Variants in HDAC9 observed in about 807,000 individuals in gnomAD.
HDAC9 encodes histone deacetylase 9, also known as MEF-2 interacting transcription repressor (MITR) protein.
In HDAC9, 41 loss-of-function variants were observed where a neutral mutation model predicts 139.4. The observed-to-expected ratio is 0.29, with a 90% confidence interval of 0.23 to 0.38. HDAC9 has a LOEUF of 0.38. Among genes scored for constraint, HDAC9 ranks in the 10% least tolerant of loss-of-function variants. The pLI is 1.00. For missense variants in HDAC9, 1,147 were observed against 1,297.0 expected (o/e 0.88, Z 1.78); for synonymous variants, 517 against 476.2 (o/e 1.09, Z -1.12).
intron 21 of HDAC9, among the ~76,000 whole-genome samples, chr7:18,844,067 G>A (rs6461386): frequency 0.45 from 68,363 of 151,982 alleles, 16,170 homozygotes; most frequent in African/African-American, 0.61. Flanking sequence ...CAATGATTTG[G>A]TGTCATATAG....
At chr7:18,863,392 C>T (rs756854) in intron 21 of HDAC9, among the ~76,000 whole-genome samples, 72,404 of 152,056 alleles carry the variant, frequency 0.48, 17,833 homozygotes, top group African/African-American at 0.61. Context: ...TGGCTTTGAA[C>T]GTGGCCCAAC....
chr7:18,398,055 C>T (rs919248319), intron 1 of HDAC9, among the ~76,000 whole-genome samples: 3 of 152,164 alleles, frequency 2.0e-5, no homozygotes, highest in Non-Finnish European at 4.4e-5. Context: ...AAATACCCAA[C>T]CTGAAATTCC....
At chr7:18,956,475 C>T (rs571236065) in intron 24 of HDAC9, among the ~76,000 whole-genome samples, 8 of 152,136 alleles carry the variant, frequency 5.3e-5, no homozygotes, top group African/African-American at 1.9e-4. Context: ...GTGTGAGGTG[C>T]TTGGGAGCCT....
At chr7:18,220,792 C>T (rs366909) in intron 2 of HDAC9, among the ~76,000 whole-genome samples, 115,410 of 152,058 alleles carry the variant, frequency 0.76, 43,985 homozygotes, top group South Asian at 0.84. Flanking sequence ...TCTGTCGTAG[C>T]TCAGATGTGG....
intron 2 of HDAC9, among the ~76,000 whole-genome samples, chr7:18,223,650 G>A (rs1406164223): frequency 6.6e-6 from 1 of 151,798 alleles, no homozygotes; most frequent in African/African-American, 2.4e-5. Flanking sequence ...TTTTTTAATT[G>A]TTAAATATTT....
intron 2 of HDAC9, among the ~76,000 whole-genome samples, chr7:18,166,794 A>G (rs1381668116): frequency 1.3e-5 from 2 of 152,212 alleles, no homozygotes; most frequent in African/African-American, 2.4e-5. Context: ...CCATTTAGCC[A>G]TTAAGTAGGA....
intron 1 of HDAC9, among the ~76,000 whole-genome samples, chr7:18,358,523 T>G (rs753192555): frequency 3.3e-5 from 5 of 152,348 alleles, no homozygotes; most frequent in Middle Eastern, 3.4e-3. Flanking sequence ...TGAGGCAATT[T>G]AAGCAACTTC....
At chr7:18,399,253 T>C (rs1395086430) in intron 1 of HDAC9, among the ~76,000 whole-genome samples, 1 of 152,146 alleles carries the variant, frequency 6.6e-6, no homozygotes, top group East Asian at 1.9e-4. Flanking sequence ...TATCAGGTGG[T>C]ACTGAGTAAA....
At chr7:18,256,528 T>G (rs1280985798) in intron 2 of HDAC9, among the ~76,000 whole-genome samples, 1 of 152,190 alleles carries the variant, frequency 6.6e-6, no homozygotes, top group Non-Finnish European at 1.5e-5. Context: ...CCTCTCCAAC[T>G]AGTGTTTCTG....
At chr7:18,683,721 A>G (rs919393336) in intron 12 of HDAC9, among the ~76,000 whole-genome samples, 2 of 152,106 alleles carry the variant, frequency 1.3e-5, no homozygotes, top group African/African-American at 4.8e-5. Context: ...AAATGGAAAG[A>G]TAGTGCTGGC....
intron 6 of HDAC9, among the ~76,000 whole-genome samples, chr7:18,599,151 A>G (rs1833269722): frequency 6.6e-6 from 1 of 152,226 alleles, no homozygotes; most frequent in Non-Finnish European, 1.5e-5. Flanking sequence ...GCAGACTTTA[A>G]TTTTAAGAAA....
intron 21 of HDAC9, among the ~76,000 whole-genome samples, chr7:18,862,051 G>C (rs1798147354): frequency 6.6e-6 from 1 of 152,144 alleles, no homozygotes. Context: ...CTCTTTAGAA[G>C]TGATAATTTA....
chr7:18,364,736 T>TA (rs1476721774), intron 1 of HDAC9, among the ~76,000 whole-genome samples: 20 of 152,098 alleles, frequency 1.3e-4, no homozygotes, highest in Admixed American at 1.3e-3. Flanking sequence ...CAGATGAGAT[T>TA]AAGACTAAAC....
upstream of HDAC9, among the ~76,000 whole-genome samples, chr7:18,289,067 G>A (rs997293502): frequency 1.3e-5 from 2 of 152,184 alleles, no homozygotes; most frequent in Non-Finnish European, 2.9e-5. Flanking sequence ...AGCCACAGAT[G>A]TAAGTGAGAG....
chr7:18,251,301 A>G (rs1476412889), intron 2 of HDAC9, among the ~76,000 whole-genome samples: 1 of 152,190 alleles, frequency 6.6e-6, no homozygotes, highest in Non-Finnish European at 1.5e-5. Flanking sequence ...GTGAGAGCTG[A>G]ATGATGAGAA....
chr7:18,365,952 GT>G (rs552383215), intron 1 of HDAC9, among the ~76,000 whole-genome samples: 2,787 of 145,232 alleles, frequency 0.019, 74 homozygotes, highest in African/African-American at 0.064. Flanking sequence ...GTTTTCAGTT[GT>G]TTTTTTTTTT....
rs1300753276 is a variant in HDAC9, at chr7:18,184,780, G to A, written c.25+22431G>A. On this transcript the variant is annotated intron_variant, in intron 2 of 12. Transcript: ENST00000417496. ...AAGGTGTAGGGTATTGAATAAAAAG[G>A]ATTTCAGAACAGCTATATAGTTGTG... is the stretch of plus-strand genomic sequence containing the variant. 9.2e-5 allele frequency among the ~76,000 whole-genome samples: 14 copies of A among 152,168 alleles called. No individual in the cohort carries two copies. The South Asian group carries it at 2.5e-3, about 27-fold the overall frequency.
At chr7:18,532,354 G>GT in intron 2 of HDAC9, among the ~76,000 whole-genome samples, 1 of 152,300 alleles carries the variant, frequency 6.6e-6, no homozygotes, top group Middle Eastern at 3.4e-3. Flanking sequence ...GTTGCCTACA[G>GT]TAAGATTATG....
chr7:18,826,592 G>A (rs1405757951), intron 17 of HDAC9, among the ~76,000 whole-genome samples: 1 of 151,042 alleles, frequency 6.6e-6, no homozygotes, highest in Non-Finnish European at 1.5e-5. Context: ...GTGAAAAGCA[G>A]ATACTTCGTT....
Sources: gnomAD v4.1 joint callset for allele counts (sites outside exome capture counted in the v4.1 genomes callset) on GRCh38, gnomAD v4.1.1 for gene constraint, MANE v1.5 for transcripts, NCBI Gene and HGNC (gene_info 2026-07-23, HGNC 2026-07-21) for gene names.